The following HOXB3 variants were observed in gnomAD, a reference collection of about 807,000 sequenced individuals.
HOXB3 encodes homeobox B3, also known as homeobox protein Hox-B3.
In HOXB3, 17 loss-of-function variants were observed where a neutral mutation model predicts 29.2. That is an observed-to-expected ratio of 0.58 (90% CI 0.40 to 0.87). The LOEUF (loss-of-function observed/expected upper bound fraction) is 0.87. Ranked by LOEUF, HOXB3 falls within the 40% of genes least tolerant of loss-of-function variation. The pLI, the probability that HOXB3 is intolerant of heterozygous loss-of-function variation, is 0.00. For missense variants in HOXB3, 637 were observed against 616.3 expected (o/e 1.03, Z -0.35); for synonymous variants, 317 against 285.9 (o/e 1.11, Z -1.10).
rs1236773326 is a variant in HOXB3, at chr17:48,554,881, G to A, written c.-159+650C>T. On this transcript the variant is annotated intron_variant, in intron 3 of 4. Coordinates refer to ENST00000498678, the MANE Select transcript of HOXB3 (RefSeq NM_001384749.1). This position sits in a 1 kb window ranked among gnomAD's most constrained non-coding sequence, Gnocchi z 4.1. The stretch of plus-strand genomic sequence containing the variant: ...GTGGGAAGAGAGAAAGGTGCTAAGG[G>A]GACCCAAGATCTGGGATCCAGAACA... 3 of 697,484 alleles carry A rather than the reference G, an allele frequency of 4.3e-6. No individual in the cohort carries two copies. Among genetic ancestry groups the A allele is most frequent in the African/African-American group, 3.5e-5 (2 of 56,966 alleles). The allele number at this position is 697,484 out of a possible 1,614,324, so 43.2% of individuals were successfully genotyped here.
At chr17:48,576,663 T>TCCCCCCCCCCC in intron 1 of HOXB3, 1 of 167,398 alleles carries the variant, frequency 6.0e-6, no homozygotes, top group Non-Finnish European at 1.0e-5. Context: ...CCCCACCCCA[T>TCCCCCCCCCCC]CCCCTGCACT....
intron 1 of HOXB3, chr17:48,582,621 A>G (rs1263526788): frequency 2.6e-5 from 4 of 152,182 alleles, no homozygotes; most frequent in South Asian, 2.1e-4. Context: ...GGCAGTTACT[A>G]TAATATGCTC....
intron 1 of HOXB3, chr17:48,577,880 T>C: frequency 7.2e-7 from 1 of 1,394,844 alleles, no homozygotes; most frequent in Non-Finnish European, 9.4e-7. Flanking sequence ...CACGTGAACT[T>C]TGCGCATCCA....
intron 2 of HOXB3, among the ~76,000 whole-genome samples, chr17:48,562,294 C>G (rs2069225312): frequency 1.3e-5 from 2 of 152,104 alleles, no homozygotes; most frequent in African/African-American, 2.4e-5. Flanking sequence ...CCCTCCCTGC[C>G]CATACACCTA....
At chr17:48,572,948 C>T (rs909108498) in intron 2 of HOXB3, among the ~76,000 whole-genome samples, 11 of 152,122 alleles carry the variant, frequency 7.2e-5, no homozygotes, top group African/African-American at 2.7e-4. Flanking sequence ...GCCTAGAAAA[C>T]GTGGCCTCTC....
At chr17:48,576,631 G>T in intron 1 of HOXB3, 1 of 1,185,372 alleles carries the variant, frequency 8.4e-7, no homozygotes, top group Non-Finnish European at 1.1e-6. Flanking sequence ...CGGGGCCCAG[G>T]CCCCAGGGCC....
In HOXB3 at chr17:48,550,355, C is replaced by A. The variant is rs745605628; in HGVS notation, c.1275G>T (p.Ala425=). The change falls in exon 5 of 5, where the codon GCG becomes GCT. Residue 425 remains alanine, a synonymous_variant. Transcript: ENST00000498678. ...APPPQGRIQE[A]PKLTHL ...CCCATCACAGGTGTGTTAATTTGGGCGCTTCTTGGATTCTACCCTGAGGAG... is the reference window on the plus strand; with the variant it reads ...CCCATCACAGGTGTGTTAATTTGGGAGCTTCTTGGATTCTACCCTGAGGAG... 6.2e-7 allele frequency: 1 copy of A among 1,613,902 alleles called. No homozygotes were observed. The highest frequency in any genetic ancestry group is 8.5e-7 in the Non-Finnish European group (1 of 1,180,020).
chr17:48,578,603 T>G (rs985904678), intron 1 of HOXB3: 9 of 341,002 alleles, frequency 2.6e-5, no homozygotes, highest in Middle Eastern at 9.3e-4. Context: ...GGCGACCCCC[T>G]CCTTGCCTCG....
intron 1 of HOXB3, chr17:48,578,545 C>T: frequency 9.8e-6 from 5 of 507,964 alleles, no homozygotes; most frequent in South Asian, 4.7e-5. Context: ...TCCCTTCCCC[C>T]TCCCCACCCA....
chr17:48,552,254 A>C lies in HOXB3; in HGVS notation c.221T>G (p.Met74Arg), dbSNP rs768936533. 4 of 1,613,570 alleles carry C rather than the reference A, an allele frequency of 2.5e-6. No individual in the cohort carries two copies. The highest frequency in any genetic ancestry group is 3.4e-6 in the Non-Finnish European group (4 of 1,179,904). The change falls in exon 4 of 5, where the codon ATG becomes AGG. Residue 74 changes from methionine (M) to arginine (R), a missense_variant. Met to Arg is a moderately conservative substitution (Grantham distance 91, BLOSUM62 -1). Coordinates refer to ENST00000498678, the MANE Select transcript of HOXB3 (RefSeq NM_001384749.1). The part of the protein sequence containing the change: ...AKSKELNGSC[M>R]RPGLAPEPLS... ...GGGCTCGGGGGCCAGACCCGGCCTC[A>C]TGCAGCTGCCGTTGAGCTCCTTGCT...
Position 48,554,952 on chromosome 17 carries a change from C to T in HOXB3, c.-159+579G>A. On this transcript the variant is annotated intron_variant, in intron 3 of 4. Coordinates refer to ENST00000498678, the MANE Select transcript of HOXB3 (RefSeq NM_001384749.1). The surrounding 1 kb of genome is among the most constrained non-coding windows in gnomAD (Gnocchi z 4.1). Reference sequence around the variant, plus strand: ...CTACCAAGCCAAACAGATCTATTTCCCTTGCCTCCATGTTGGAAAAATTCA... The same window carrying T: ...CTACCAAGCCAAACAGATCTATTTCTCTTGCCTCCATGTTGGAAAAATTCA... 1 of 636,218 alleles carries T rather than the reference C, an allele frequency of 1.6e-6. No homozygotes were observed. Among genetic ancestry groups the T allele is most frequent in the South Asian group, 1.8e-5 (1 of 56,486 alleles). The allele number at this position is 636,218 out of a possible 1,614,324, so 39.4% of individuals were successfully genotyped here.
Position 48,573,778 on chromosome 17 carries a change from T to G in HOXB3, c.-247+59A>C, listed in dbSNP as rs1236983057. 20 of 675,514 alleles carry G rather than the reference T, an allele frequency of 3.0e-5. No homozygotes were observed. The Admixed American group carries it at 4.9e-4, about 17-fold the overall frequency. The allele number at this position is 675,514 out of a possible 1,614,324, so 41.8% of individuals were successfully genotyped here. ...GGCGAGAGAGTGTTTCTTCTTTCAG[T>G]TGTGAAAAGAGCTCATAAAACGATC... On this transcript the variant is annotated intron_variant, in intron 2 of 4. Coordinates refer to ENST00000498678, the MANE Select transcript of HOXB3 (RefSeq NM_001384749.1).
intron 1 of HOXB3, among the ~76,000 whole-genome samples, chr17:48,577,532 C>G (rs919486929): frequency 6.6e-6 from 1 of 152,176 alleles, no homozygotes; most frequent in Non-Finnish European, 1.5e-5. Flanking sequence ...CGGATTACCT[C>G]CTCCTCCTTC....
At chr17:48,580,650 A>G (rs2069914524) in intron 1 of HOXB3, 1 of 152,262 alleles carries the variant, frequency 6.6e-6, no homozygotes. Context: ...ATGAGGAACC[A>G]TAAAAGATGC....
intron 2 of HOXB3, among the ~76,000 whole-genome samples, chr17:48,568,155 C>T (rs2069450548): frequency 6.6e-6 from 1 of 152,190 alleles, no homozygotes; most frequent in Non-Finnish European, 1.5e-5. Context: ...CTCTAAGGCT[C>T]CTTCTGCCTT....
chr17:48,578,389 G>A (rs143310387), intron 1 of HOXB3: 17 of 1,540,634 alleles, frequency 1.1e-5, no homozygotes, highest in African/African-American at 1.4e-5. Flanking sequence ...TCCTGTTTCC[G>A]AAAGCCCTCC....
intron 1 of HOXB3, chr17:48,576,657 A>AAC: frequency 7.9e-6 from 1 of 126,962 alleles, no homozygotes; most frequent in Non-Finnish European, 1.4e-5. Flanking sequence ...CTGTCCCCCC[A>AAC]CCCCATCCCC....
chr17:48,576,965 G>C (rs779395632), intron 1 of HOXB3: 2 of 1,613,366 alleles, frequency 1.2e-6, no homozygotes, highest in Admixed American at 1.7e-5. Context: ...AGACCTGCTG[G>C]CGCGTGTAGG....
chr17:48,583,930 G>A (rs2288278), intron 1 of HOXB3, among the ~76,000 whole-genome samples: 91,503 of 152,100 alleles, frequency 0.6, 28,078 homozygotes, highest in East Asian at 0.75. Context: ...TGTTTCAAAA[G>A]GCATCTTTAC....
Sources: gnomAD v4.1 joint callset for allele counts (sites outside exome capture counted in the v4.1 genomes callset) on GRCh38, gnomAD v4.1.1 for gene constraint, Gnocchi (gnomAD v3.1) non-coding constraint, MANE v1.5 for transcripts, NCBI Gene and HGNC (gene_info 2026-07-23, HGNC 2026-07-21) for gene names.